Variants in TAF2 observed in about 807,000 individuals in gnomAD.
TAF2 encodes the protein TATA-box binding protein associated factor 2, also known as transcription initiation factor TFIID subunit 2.
A neutral mutation model predicts 138.5 loss-of-function variants in TAF2; 61 were observed. That is an observed-to-expected ratio of 0.44 (90% CI 0.36 to 0.54). The LOEUF is 0.54. Ranked by LOEUF, TAF2 falls within the 20% of genes least tolerant of loss-of-function variation. The probability of loss-of-function intolerance (pLI) is 0.00; values close to 1 mark genes in which losing one functional copy is unlikely to be tolerated. For synonymous variants in TAF2, 475 were observed against 469.9 expected (o/e 1.01, Z -0.14); for missense variants, 1,090 against 1,427.9 (o/e 0.76, Z 3.81).
intron 14 of TAF2, among the ~76,000 whole-genome samples, chr8:119,785,726 C>G (rs2131149740): frequency 6.6e-6 from 1 of 152,120 alleles, no homozygotes; most frequent in South Asian, 2.1e-4. Flanking sequence ...ATATGTAGAA[C>G]CAATTAATAC....
intron 2 of TAF2, among the ~76,000 whole-genome samples, chr8:119,823,062 TTC>T (rs1160475105): frequency 1.3e-5 from 2 of 152,194 alleles, no homozygotes; most frequent in African/African-American, 2.4e-5. Context: ...ATCACTGTTT[TTC>T]TCTCTCCTAT....
Position 119,732,159 on chromosome 8 carries a change from C to A in TAF2, c.3365G>T (p.Ser1122Ile), listed in dbSNP as rs956749. 1 of 1,614,050 alleles carries A rather than the reference C, an allele frequency of 6.2e-7. No homozygotes were observed. The highest frequency in any genetic ancestry group is 1.3e-5 in the African/African-American group (1 of 74,990). ...TGKEQAPLEM[S>I]MHPAASAPLS... ...TGGAGCGCTTGCCGCTGGATGCATA[C>A]TCATCTCCAAAGGTGCTTGTTCTTT... Residue 1122 changes from serine to isoleucine, a missense_variant, in exon 26 of 26, where the codon AGT becomes ATT. Coordinates refer to ENST00000378164, the MANE Select transcript of TAF2 (RefSeq NM_003184.4).
At chr8:119,736,583 T>A (rs1454510641) in intron 25 of TAF2, among the ~76,000 whole-genome samples, 5 of 152,228 alleles carry the variant, frequency 3.3e-5, no homozygotes, top group African/African-American at 1.2e-4. Flanking sequence ...ATTAAGCATT[T>A]ATCTTTGTTT....
intron 18 of TAF2, among the ~76,000 whole-genome samples, chr8:119,772,567 TA>T (rs1193004977): frequency 6.6e-6 from 1 of 152,032 alleles, no homozygotes; most frequent in Non-Finnish European, 1.5e-5. Flanking sequence ...CATATCAATG[TA>T]AAAACCCGCA....
chr8:119,748,064 C>A (rs932780558), intron 22 of TAF2, among the ~76,000 whole-genome samples: 8 of 151,534 alleles, frequency 5.3e-5, no homozygotes, highest in African/African-American at 4.9e-5. Context: ...GCAGAGGCTG[C>A]AGTGAGCCAA....
chr8:119,763,975 CCT>C (rs778722729), intron 18 of TAF2, among the ~76,000 whole-genome samples: 4 of 151,832 alleles, frequency 2.6e-5, no homozygotes, highest in Non-Finnish European at 5.9e-5. Flanking sequence ...ATGGTGAAAC[CCT>C]GTCTCTACTA....
chr8:119,801,344 T>C (rs1468654503), intron 6 of TAF2, among the ~76,000 whole-genome samples: 1 of 152,138 alleles, frequency 6.6e-6, no homozygotes, highest in Non-Finnish European at 1.5e-5. Flanking sequence ...CACATCATTA[T>C]ATATATTAGA....
At chr8:119,824,682 T>G (rs1825993080) in intron 2 of TAF2, among the ~76,000 whole-genome samples, 1 of 152,184 alleles carries the variant, frequency 6.6e-6, no homozygotes. Context: ...CTTGATGCCC[T>G]GCATCCTATC....
At chr8:119,737,634 G>A (rs536835719) in intron 25 of TAF2, among the ~76,000 whole-genome samples, 37 of 150,842 alleles carry the variant, frequency 2.5e-4, no homozygotes, top group African/African-American at 8.8e-4. Flanking sequence ...TCAGCCTCCC[G>A]AGTAGCTAGG....
At chr8:119,748,374 C>G (rs932937658) in intron 22 of TAF2, among the ~76,000 whole-genome samples, 1 of 150,914 alleles carries the variant, frequency 6.6e-6, no homozygotes, top group African/African-American at 2.4e-5. Context: ...ATTAATTATA[C>G]GCAAATCTGC....
intron 15 of TAF2, among the ~76,000 whole-genome samples, chr8:119,783,993 T>C (rs1468673158): frequency 6.6e-6 from 1 of 152,264 alleles, no homozygotes; most frequent in African/African-American, 2.4e-5. Flanking sequence ...GAGATGAATT[T>C]CTTAATTTGT....
intron 18 of TAF2, among the ~76,000 whole-genome samples, chr8:119,774,703 G>A (rs1482733578): frequency 6.6e-6 from 1 of 152,076 alleles, no homozygotes; most frequent in African/African-American, 2.4e-5. Context: ...AAAAGCAGCA[G>A]AGATAATAAC....
chr8:119,779,569 A>G (rs557965985), intron 17 of TAF2, among the ~76,000 whole-genome samples: 2 of 152,120 alleles, frequency 1.3e-5, no homozygotes, highest in Non-Finnish European at 2.9e-5. Context: ...AAACAAAATA[A>G]CAGGATGCCA....
chr8:119,768,461 A>C (rs986360171), intron 18 of TAF2, among the ~76,000 whole-genome samples: 3 of 149,400 alleles, frequency 2.0e-5, no homozygotes, highest in African/African-American at 7.3e-5. Flanking sequence ...ACCTATTGAA[A>C]AACTCCTTAT....
At chr8:119,764,711 A>C (rs931086630) in intron 18 of TAF2, among the ~76,000 whole-genome samples, 1 of 152,192 alleles carries the variant, frequency 6.6e-6, no homozygotes, top group Non-Finnish European at 1.5e-5. Flanking sequence ...ATCACTATAC[A>C]AAGTAGAAAG....
chr8:119,798,035 C>T (rs1252981934), intron 6 of TAF2, among the ~76,000 whole-genome samples, 189 bp from the exon 7 acceptor site: 2 of 152,100 alleles, frequency 1.3e-5, no homozygotes, highest in Non-Finnish European at 2.9e-5. Context: ...ATATTAACTA[C>T]TTAAAAATTA....
chr8:119,759,122 A>G (rs1445167823), intron 20 of TAF2, among the ~76,000 whole-genome samples: 1 of 152,098 alleles, frequency 6.6e-6, no homozygotes, highest in South Asian at 2.1e-4. Context: ...CAAAACAGAA[A>G]TGGAGAGAGA....
At chr8:119,790,801 A>G (rs761795402) in intron 11 of TAF2, among the ~76,000 whole-genome samples, 3 of 148,650 alleles carry the variant, frequency 2.0e-5, no homozygotes, top group Non-Finnish European at 3.0e-5. Context: ...CCACAATTCT[A>G]GTTTTTTTTT....
At chr8:119,736,314 G>A (rs1030385664) in intron 25 of TAF2, among the ~76,000 whole-genome samples, 3 of 152,190 alleles carry the variant, frequency 2.0e-5, no homozygotes, top group Admixed American at 2.0e-4. Flanking sequence ...TTAGCACCAA[G>A]GACAAAGGAG....
Sources: gnomAD v4.1 joint callset for allele counts (sites outside exome capture counted in the v4.1 genomes callset) on GRCh38, gnomAD v4.1.1 for gene constraint, MANE v1.5 for transcripts, NCBI Gene and HGNC (gene_info 2026-07-23, HGNC 2026-07-21) for gene names.